The following FAM178B variants were observed in gnomAD, a reference collection of about 807,000 sequenced individuals.
FAM178B encodes family with sequence similarity 178 member B.
In FAM178B, 82 loss-of-function variants were observed where a neutral mutation model predicts 91.7. The ratio of observed to expected loss-of-function variants is 0.89; its 90% CI spans 0.75 to 1.07. FAM178B has a LOEUF of 1.07. Among genes scored for constraint, FAM178B ranks in the 50% least tolerant of loss-of-function variants. The pLI is 0.00. For missense variants in FAM178B, 769 were observed against 846.7 expected, an observed-to-expected ratio of 0.91 and a Z score of 1.14; for synonymous variants, 368 against 359.4, an observed-to-expected ratio of 1.02 and a Z score of -0.27.
chr2:96,967,572 G>C lies in FAM178B; in HGVS notation c.682C>G (p.Leu228Val), dbSNP rs952601940. ...ERLLLQECLN[L>V]NSLDLDEEEV... ...TCTTCATCAAGATCCAAGGAGTTGA[G>C]ATTGAGACACTCCTGCAGAAGCAGC... is the stretch of plus-strand genomic sequence containing the variant. Residue 228 changes from leucine to valine, a missense_variant, in exon 5 of 17, where the codon CTC (leucine) becomes GTC (valine). Physicochemically the swap from Leu to Val is conservative, Grantham distance 32 (BLOSUM62 1). Coordinates refer to ENST00000490605, the MANE Select transcript of FAM178B (RefSeq NM_001122646.3). 2.0e-5 allele frequency: 31 copies of C among 1,550,656 alleles called. No homozygotes were observed. Among genetic ancestry groups the C allele is most frequent in the Non-Finnish European group, 2.6e-5 (30 of 1,146,926 alleles).
At chr2:96,876,951 T>C (rs1374315546) in intron 16 of FAM178B, among the ~76,000 whole-genome samples, 2 of 152,130 alleles carry the variant, frequency 1.3e-5, no homozygotes, top group African/African-American at 4.8e-5. Flanking sequence ...GGCTGGCTCA[T>C]GCCCTGATTC....
At chr2:96,972,816 G>T (rs2082240794) in intron 1 of FAM178B, among the ~76,000 whole-genome samples, 1 of 152,120 alleles carries the variant, frequency 6.6e-6, no homozygotes, top group Non-Finnish European at 1.5e-5. Context: ...GCAAATGTGA[G>T]GATATCAATT....
At chr2:96,947,751 TGA>T in intron 8 of FAM178B, 65 bp downstream of exon 8, 1 of 924,326 alleles carries the variant, frequency 1.1e-6, no homozygotes, top group Non-Finnish European at 1.7e-6. Context: ...CTCTGGGCAC[TGA>T]GAGTCACGTA....
At chr2:96,940,229 C>T (rs956008543) in intron 8 of FAM178B, among the ~76,000 whole-genome samples, 13 of 152,146 alleles carry the variant, frequency 8.5e-5, no homozygotes, top group African/African-American at 2.9e-4. Flanking sequence ...AAAGGGCACC[C>T]GGCATGAGAA....
At chr2:96,918,892 T>A (rs2081285653) in intron 12 of FAM178B, among the ~76,000 whole-genome samples, 1 of 152,208 alleles carries the variant, frequency 6.6e-6, no homozygotes, top group Admixed American at 6.5e-5. Context: ...AAAAACCCTG[T>A]CCTGTTCTGT....
intron 12 of FAM178B, among the ~76,000 whole-genome samples, chr2:96,913,198 G>A (rs562106035): frequency 1.3e-5 from 2 of 152,206 alleles, no homozygotes; most frequent in South Asian, 2.1e-4. Context: ...AGAGCACTGC[G>A]TTTGTCTAGT....
intron 15 of FAM178B, 112 bp from the exon 16 acceptor site, chr2:96,878,154 G>T: frequency 8.3e-7 from 1 of 1,206,150 alleles, no homozygotes. Context: ...TTGAGTGACT[G>T]TTCAGAAGTT....
intron 8 of FAM178B, among the ~76,000 whole-genome samples, chr2:96,942,811 T>C (rs887131175): frequency 1.3e-5 from 2 of 152,168 alleles, no homozygotes; most frequent in Non-Finnish European, 2.9e-5. Context: ...TATAAACCAA[T>C]GGAATAAAAT....
intron 13 of FAM178B, among the ~76,000 whole-genome samples, chr2:96,901,032 G>A (rs1489770238): frequency 2.0e-5 from 3 of 152,212 alleles, no homozygotes; most frequent in African/African-American, 7.2e-5. Context: ...GTGCGGGCGC[G>A]CTCAACCTCC....
chr2:96,965,149 G>A (rs562380373), intron 5 of FAM178B, among the ~76,000 whole-genome samples: 6 of 151,950 alleles, frequency 3.9e-5, no homozygotes, highest in Non-Finnish European at 5.9e-5. Context: ...ACAGGTACGC[G>A]TCACCACGCC....
chr2:96,950,111 C>T (rs980042883), intron 7 of FAM178B: 7 of 985,460 alleles, frequency 7.1e-6, no homozygotes, highest in Non-Finnish European at 8.4e-6. Flanking sequence ...TGGAAGAAAC[C>T]GACACGCCCC....
intron 8 of FAM178B, among the ~76,000 whole-genome samples, chr2:96,936,820 G>A (rs142078540): frequency 6.2e-4 from 94 of 151,400 alleles, no homozygotes; most frequent in Non-Finnish European, 1.0e-3. Context: ...TAACAAAAGC[G>A]TTCTTTAAAA....
At chr2:96,911,525 A>C (rs2081158049) in intron 12 of FAM178B, among the ~76,000 whole-genome samples, 1 of 152,326 alleles carries the variant, frequency 6.6e-6, no homozygotes, top group African/African-American at 2.4e-5. Context: ...CCCAGGCTGC[A>C]CCGTGGCATT....
chr2:96,904,189 ACAGCAG>A (rs956817852), intron 12 of FAM178B, among the ~76,000 whole-genome samples: 1 of 151,884 alleles, frequency 6.6e-6, no homozygotes, highest in Admixed American at 6.6e-5. Flanking sequence ...GAAGGTTTGC[ACAGCAG>A]CAGCAGCAGC....
intron 8 of FAM178B, among the ~76,000 whole-genome samples, chr2:96,933,104 G>A (rs1035574187): frequency 2.8e-5 from 4 of 144,964 alleles, no homozygotes; most frequent in East Asian, 2.1e-4. Flanking sequence ...TTAGCCGGGC[G>A]TGGTAGTGCA....
chr2:96,922,736 C>T (rs2081363577), intron 10 of FAM178B, among the ~76,000 whole-genome samples: 1 of 151,720 alleles, frequency 6.6e-6, no homozygotes, highest in Non-Finnish European at 1.5e-5. Context: ...TGGAGTTTCT[C>T]TCTTGTTGCC....
intron 1 of FAM178B, among the ~76,000 whole-genome samples, chr2:96,985,032 GC>G (rs2082405952): frequency 6.6e-6 from 1 of 152,140 alleles, no homozygotes. Flanking sequence ...GTGGGACCCA[GC>G]CCAACTTCAG....
chr2:96,928,819 G>C (rs2081491293), intron 9 of FAM178B, among the ~76,000 whole-genome samples: 1 of 152,098 alleles, frequency 6.6e-6, no homozygotes, highest in Non-Finnish European at 1.5e-5. Flanking sequence ...CCTACACATG[G>C]GATACAGCCT....
chr2:96,927,027 T>G (rs1268804785), intron 9 of FAM178B, among the ~76,000 whole-genome samples: 1 of 152,160 alleles, frequency 6.6e-6, no homozygotes, highest in Non-Finnish European at 1.5e-5. Flanking sequence ...GCCTCTGAGT[T>G]GGTGAGGAGC....
Sources: allele counts gnomAD v4.1 joint callset (sites outside exome capture counted in the v4.1 genomes callset), GRCh38; gene constraint gnomAD v4.1.1; transcripts MANE v1.5; gene names NCBI Gene and HGNC (gene_info 2026-07-23, HGNC 2026-07-21).